Variants in CDK14 observed in about 807,000 individuals in gnomAD.
The protein encoded by CDK14 is cyclin-dependent kinase 14.
A neutral mutation model predicts 60.7 loss-of-function variants in CDK14; 34 were observed. That is an observed-to-expected ratio of 0.56 (90% CI 0.43 to 0.75). The LOEUF is 0.75. Among genes scored for constraint, CDK14 ranks in the 30% least tolerant of loss-of-function variants. The pLI is 0.00. For synonymous variants in CDK14, 197 were observed against 203.7 expected, an observed-to-expected ratio of 0.97 and a Z score of 0.28; for missense variants, 482 against 564.1, an observed-to-expected ratio of 0.85 and a Z score of 1.47.
At chr7:90,983,579 C>A (rs1436296222) in intron 9 of CDK14, among the ~76,000 whole-genome samples, 1 of 151,512 alleles carries the variant, frequency 6.6e-6, no homozygotes, top group Non-Finnish European at 1.5e-5. Context: ...ACTCGGGAGG[C>A]TGAGACAGGA....
intron 2 of CDK14, among the ~76,000 whole-genome samples, chr7:90,623,932 A>G (rs1326693927): frequency 6.6e-6 from 1 of 152,222 alleles, no homozygotes; most frequent in East Asian, 1.9e-4. Context: ...CATCATCAGA[A>G]GCCCTGAAAC....
intron 2 of CDK14, among the ~76,000 whole-genome samples, chr7:90,686,669 A>G (rs1770113853): frequency 6.6e-6 from 1 of 152,214 alleles, no homozygotes; most frequent in African/African-American, 2.4e-5. Context: ...TGAATTAACC[A>G]GAAAGCATAA....
At chr7:90,694,827 G>T (rs976403285) in intron 2 of CDK14, among the ~76,000 whole-genome samples, 2 of 152,182 alleles carry the variant, frequency 1.3e-5, no homozygotes, top group African/African-American at 2.4e-5. Flanking sequence ...TCAGGTGAAG[G>T]TTTGTGAGCA....
chr7:90,634,760 G>T (rs941187172), intron 2 of CDK14, among the ~76,000 whole-genome samples: 12 of 151,918 alleles, frequency 7.9e-5, no homozygotes, highest in African/African-American at 2.9e-4. Flanking sequence ...CAGTGTAAAA[G>T]TGTTCCTATT....
chr7:91,046,629 T>G (rs1172163221), intron 11 of CDK14, among the ~76,000 whole-genome samples: 1 of 152,196 alleles, frequency 6.6e-6, no homozygotes, highest in Non-Finnish European at 1.5e-5. Context: ...AGGTTTGGAA[T>G]TGAAAATTTA....
intron 9 of CDK14, among the ~76,000 whole-genome samples, chr7:90,973,490 C>G (rs1207775119): frequency 1.3e-5 from 2 of 152,108 alleles, no homozygotes; most frequent in Non-Finnish European, 2.9e-5. Context: ...TTCATTGCAA[C>G]CATATTTTAA....
At chr7:90,807,799 C>T (rs1157542844) in intron 5 of CDK14, among the ~76,000 whole-genome samples, 2 of 152,154 alleles carry the variant, frequency 1.3e-5, no homozygotes, top group Non-Finnish European at 1.5e-5. Context: ...AACCAAGGCA[C>T]AAGAACTACA....
chr7:91,154,612 T>G lies in CDK14; in HGVS notation c.*28+36404T>G, dbSNP rs1003443736. ...AGCAATTCCATCTCAGATGGCTGGG[T>G]TCAAATCCTGGCTTCTCTTACTGTG... On this transcript the variant is annotated intron_variant, in intron 14 of 14. Transcript: ENST00000380050. Among the ~76,000 whole-genome samples the G allele has an allele frequency of 6.6e-5, 10 of 152,244 alleles. 1 individual carries two copies. In the Middle Eastern group the frequency reaches 0.01, roughly 155 times the overall value.
chr7:90,916,606 C>T (rs1248528473), intron 7 of CDK14, among the ~76,000 whole-genome samples: 1 of 152,166 alleles, frequency 6.6e-6, no homozygotes, highest in East Asian at 1.9e-4. Flanking sequence ...TTTTACAACT[C>T]ATTTAAAATT....
At chr7:91,129,341 G>A (rs1275365294) in intron 14 of CDK14, among the ~76,000 whole-genome samples, 3 of 152,140 alleles carry the variant, frequency 2.0e-5, no homozygotes, top group Non-Finnish European at 4.4e-5. Flanking sequence ...AATTTTGGAG[G>A]GGGCGGAAAA....
intron 4 of CDK14, among the ~76,000 whole-genome samples, chr7:90,757,254 G>GTGTC (rs1804113034): frequency 7.6e-6 from 1 of 131,092 alleles, no homozygotes; most frequent in Admixed American, 9.1e-5. Context: ...GTGTGTGTCT[G>GTGTC]TGTGTGTCTG....
intron 2 of CDK14, among the ~76,000 whole-genome samples, chr7:90,604,840 C>A (rs1033939780): frequency 6.6e-6 from 1 of 152,106 alleles, no homozygotes; most frequent in Admixed American, 6.5e-5. Flanking sequence ...TGCAGTCATT[C>A]CTGAATTTTT....
At chr7:91,124,498 T>C (rs1799881562) in intron 14 of CDK14, among the ~76,000 whole-genome samples, 2 of 152,084 alleles carry the variant, frequency 1.3e-5, no homozygotes. Flanking sequence ...ATTTTTGCCC[T>C]TTCTTTCCTT....
intron 2 of CDK14, among the ~76,000 whole-genome samples, chr7:90,621,911 G>A (rs1323539611): frequency 6.6e-6 from 1 of 152,218 alleles, no homozygotes; most frequent in Non-Finnish European, 1.5e-5. Context: ...AGGTGACCCA[G>A]ACACGGCCCT....
chr7:91,144,547 T>C (rs1472783439), intron 14 of CDK14, among the ~76,000 whole-genome samples: 4 of 152,202 alleles, frequency 2.6e-5, no homozygotes, highest in African/African-American at 9.7e-5. Flanking sequence ...TCAGACAGCT[T>C]TCCCTTATTT....
At chr7:90,915,368 G>T (rs1336122524) in intron 7 of CDK14, among the ~76,000 whole-genome samples, 1 of 152,216 alleles carries the variant, frequency 6.6e-6, no homozygotes, top group Non-Finnish European at 1.5e-5. Flanking sequence ...GAACCCGGGA[G>T]GCAGAGGTTG....
chr7:90,688,774 A>C (rs1306351383), intron 2 of CDK14, among the ~76,000 whole-genome samples: 2 of 152,200 alleles, frequency 1.3e-5, no homozygotes, highest in Admixed American at 6.5e-5. Context: ...TGGTGTAGTC[A>C]GTGCTGACTT....
chr7:91,049,950 T>G (rs576297147), intron 11 of CDK14, among the ~76,000 whole-genome samples: 1 of 151,958 alleles, frequency 6.6e-6, no homozygotes, highest in Non-Finnish European at 1.5e-5. Context: ...AGGGGGTGAT[T>G]TACAGTTTAA....
intron 14 of CDK14, among the ~76,000 whole-genome samples, chr7:91,180,707 C>G (rs892859445): frequency 6.6e-6 from 1 of 151,970 alleles, no homozygotes; most frequent in South Asian, 2.1e-4. Flanking sequence ...GGAGAAGAAC[C>G]CATGCCAGGG....
Sources: allele counts gnomAD v4.1 joint callset (sites outside exome capture counted in the v4.1 genomes callset), GRCh38; gene constraint gnomAD v4.1.1; transcripts MANE v1.5; gene names NCBI Gene and HGNC (gene_info 2026-07-23, HGNC 2026-07-21).